The following PDXDC1 variants were observed in gnomAD, a reference collection of about 807,000 sequenced individuals.
PDXDC1 encodes the protein pyridoxal dependent decarboxylase domain containing 1, also known as pyridoxal-dependent decarboxylase domain-containing protein 1.
A neutral mutation model predicts 100.1 loss-of-function variants in PDXDC1; 42 were observed. The observed-to-expected ratio is 0.42, with a 90% CI of 0.33 to 0.54. The LOEUF is 0.54. Ranked by LOEUF, PDXDC1 falls within the 20% of genes least tolerant of loss-of-function variation. The pLI is 0.10. For missense variants in PDXDC1, 636 were observed against 979.2 expected (o/e 0.65, Z 4.68); for synonymous variants, 260 against 371.7 (o/e 0.70, Z 3.46).
rs1018463627 is a variant in PDXDC1, at chr16:15,111,093, A to C, written c.1400-27786A>C. ...CAGTGAGCGGAGATCACACCACTGC[A>C]CTCCAGCCTGAGCGACAGAATGAGA... On this transcript the variant is annotated intron_variant, in intron 16 of 16. Transcript: ENST00000535621. 1.4e-3 allele frequency among the ~76,000 whole-genome samples: 210 copies of C among 146,638 alleles called. 16 individuals carry two copies. Among genetic ancestry groups the C allele is most frequent in the Non-Finnish European group, 6.8e-4 (45 of 65,832 alleles).
At chr16:15,024,130 A>T (rs528978001) in intron 13 of PDXDC1, among the ~76,000 whole-genome samples, 1 of 152,264 alleles carries the variant, frequency 6.6e-6, no homozygotes. Context: ...TCTGTAGGCC[A>T]CACTGGCCCA....
chr16:14,978,577 T>C (rs1967235010), intron 1 of PDXDC1, among the ~76,000 whole-genome samples: 2 of 152,270 alleles, frequency 1.3e-5, no homozygotes, highest in South Asian at 4.1e-4. Flanking sequence ...TTTTTTGTTC[T>C]CGAGACAAGG....
chr16:15,053,414 C>G (rs74958422), intron 16 of PDXDC1, among the ~76,000 whole-genome samples: 5 of 152,228 alleles, frequency 3.3e-5, no homozygotes, highest in Admixed American at 2.0e-4. Context: ...GTACTCCATA[C>G]TCAGAACACA....
chr16:15,086,739 A>C (rs1046525602), intron 16 of PDXDC1, among the ~76,000 whole-genome samples: 1 of 152,210 alleles, frequency 6.6e-6, no homozygotes, highest in Non-Finnish European at 1.5e-5. Context: ...ATCACCTCAA[A>C]TGTTGACACC....
intron 16 of PDXDC1, among the ~76,000 whole-genome samples, chr16:15,131,989 AG>A (rs1184789123): frequency 3.7e-4 from 1 of 2,728 alleles, no homozygotes; most frequent in Admixed American, 4.5e-3. Context: ...GAGGAGGAGC[AG>A]GGGGATAAGG....
chr16:15,030,180 T>C, intron 16 of PDXDC1, 124 bp downstream of exon 16: 3 of 782,152 alleles, frequency 3.8e-6, no homozygotes, highest in Non-Finnish European at 6.3e-6. Context: ...GCATTTTCTT[T>C]TCTTTTGGGC....
Position 15,091,593 on chromosome 16 carries a change from A to G in PDXDC1, c.1400-47286A>G, listed in dbSNP as rs528856039. Among the ~76,000 whole-genome samples the G allele has an allele frequency of 4.7e-4, 71 of 152,140 alleles. 1 individual carries two copies. In the South Asian group the frequency reaches 6.0e-3, roughly 13 times the overall value. ...GGAAAATGATAAACTACATTTAGCTATACTTCTGTATTGACATTTGAATAT... is the reference window on the plus strand; with the variant it reads ...GGAAAATGATAAACTACATTTAGCTGTACTTCTGTATTGACATTTGAATAT... On this transcript the variant is annotated intron_variant, in intron 16 of 16. Coordinates refer to the PDXDC1 transcript ENST00000535621.
At chr16:15,086,554 G>A (rs2045923670) in intron 16 of PDXDC1, 1 of 1,531,898 alleles carries the variant, frequency 6.5e-7, no homozygotes, top group African/African-American at 1.4e-5. Context: ...ATAGGTTGGG[G>A]GGAAAAGGTC....
intron 8 of PDXDC1, among the ~76,000 whole-genome samples, chr16:15,014,155 C>G (rs62039463): frequency 6.6e-6 from 1 of 151,144 alleles, no homozygotes; most frequent in Non-Finnish European, 1.5e-5. Flanking sequence ...TGCAGTGAGC[C>G]GAGATTGCGC....
At chr16:15,114,927 A>AT (rs1317983458) in intron 16 of PDXDC1, among the ~76,000 whole-genome samples, 1,187 of 52,464 alleles carry the variant, frequency 0.023, 48 homozygotes, top group East Asian at 0.18. Context: ...AAAAAAAAAA[A>AT]TTTTTTTTTT....
chr16:15,080,309 A>C (rs1035137358), intron 16 of PDXDC1, among the ~76,000 whole-genome samples: 9 of 152,242 alleles, frequency 5.9e-5, no homozygotes, highest in Non-Finnish European at 1.2e-4. Context: ...TTTAATTTGC[A>C]TAACTATAGG....
At chr16:14,984,486 T>TAC (rs1348793954) in intron 1 of PDXDC1, among the ~76,000 whole-genome samples, 2 of 92,046 alleles carry the variant, frequency 2.2e-5, no homozygotes, top group African/African-American at 3.5e-5. Context: ...CATATATATA[T>TAC]ATATATATAT....
intron 16 of PDXDC1, chr16:15,125,644 G>T: frequency 8.1e-7 from 1 of 1,231,982 alleles, no homozygotes; most frequent in Non-Finnish European, 1.2e-6. Context: ...CTGCGCCAAG[G>T]CGGCAGGACC....
intron 16 of PDXDC1, among the ~76,000 whole-genome samples, chr16:15,122,928 A>G (rs1017359992): frequency 2.8e-4 from 41 of 148,258 alleles, no homozygotes; most frequent in South Asian, 1.1e-3. Context: ...GGAGGAGGAG[A>G]AGAAGAAAGG....
chr16:15,052,888 T>C (rs1286381588), intron 16 of PDXDC1, among the ~76,000 whole-genome samples: 2 of 152,140 alleles, frequency 1.3e-5, no homozygotes, highest in African/African-American at 2.4e-5. Context: ...GAGCATCTTG[T>C]AGACTCTGTG....
downstream of PDXDC1, among the ~76,000 whole-genome samples, chr16:15,040,624 A>G (rs965992837): frequency 2.0e-5 from 3 of 152,096 alleles, no homozygotes; most frequent in African/African-American, 7.2e-5. Flanking sequence ...TCTCTAGCCT[A>G]AGAGTTTTAC....
Position 14,998,322 on chromosome 16 carries a change from T to C in PDXDC1, c.96-18T>C. 1 of 1,607,602 alleles carries C rather than the reference T, an allele frequency of 6.2e-7. No individual in the cohort carries two copies. The highest frequency in any genetic ancestry group is 8.5e-7 in the Non-Finnish European group (1 of 1,178,642). On this transcript the variant is annotated intron_variant, in intron 2 of 22. Coordinates refer to ENST00000396410, the MANE Select transcript of PDXDC1 (RefSeq NM_015027.4). ...TATGATGAAACAAATGAACAGCTTT[T>C]TCTTTTCTTTAAATTAGAAGAACAG... is the stretch of plus-strand genomic sequence containing the variant.
chr16:15,131,250 G>A lies in PDXDC1; in HGVS notation c.1400-7629G>A, dbSNP rs558745853. 9.9e-4 allele frequency: 1,572 copies of A among 1,592,132 alleles called. 14 individuals carry two copies. The African/African-American group carries it at 0.017, about 17-fold the overall frequency. On this transcript the variant is annotated intron_variant, in intron 16 of 16. Transcript: ENST00000535621. Reference sequence around the variant, plus strand: ...AGTCCGAGTTGTTGGGCACCTTCACGGTGATGGCGCGCTCTGAGGCCAGCC... The same window carrying A: ...AGTCCGAGTTGTTGGGCACCTTCACAGTGATGGCGCGCTCTGAGGCCAGCC...
chr16:15,123,144 ACTCT>A (rs1341435374), intron 16 of PDXDC1, among the ~76,000 whole-genome samples: 5 of 148,864 alleles, frequency 3.4e-5, no homozygotes, highest in African/African-American at 9.9e-5. Context: ...GGGGCTTTAG[ACTCT>A]CTCTCCACCA....
Sources: allele counts gnomAD v4.1 joint callset (sites outside exome capture counted in the v4.1 genomes callset), GRCh38; gene constraint gnomAD v4.1.1; transcripts MANE v1.5; gene names NCBI Gene and HGNC (gene_info 2026-07-23, HGNC 2026-07-21).